Variants in RNF150 observed in about 807,000 individuals in gnomAD.
The protein encoded by RNF150 is ring finger protein 150.
A neutral mutation model predicts 39.3 loss-of-function variants in RNF150; 24 were observed. That is an observed-to-expected ratio of 0.61 (90% CI 0.44 to 0.86). The LOEUF (loss-of-function observed/expected upper bound fraction) is 0.86, where lower values mean the gene tolerates loss of function less well. Among genes scored for constraint, RNF150 ranks in the 40% least tolerant of loss-of-function variants. The probability of loss-of-function intolerance (pLI) is 0.00; values close to 1 mark genes in which losing one functional copy is unlikely to be tolerated. For missense variants in RNF150, 502 were observed against 587.8 expected (o/e 0.85, Z 1.51); for synonymous variants, 255 against 227.3 (o/e 1.12, Z -1.10).
chr4:140,931,180 A>G (rs772242892), intron 4 of RNF150, among the ~76,000 whole-genome samples: 8 of 152,154 alleles, frequency 5.3e-5, no homozygotes, highest in Non-Finnish European at 7.4e-5. Context: ...AAATCTTATT[A>G]ATAGCATTGT....
chr4:141,075,565 T>C (rs935853889), intron 1 of RNF150, among the ~76,000 whole-genome samples: 3 of 152,250 alleles, frequency 2.0e-5, no homozygotes, highest in African/African-American at 7.2e-5. Context: ...ATAAATTACT[T>C]AGAAAATCTC....
intron 1 of RNF150, among the ~76,000 whole-genome samples, chr4:141,051,405 A>G (rs1440565527): frequency 1.3e-5 from 2 of 152,234 alleles, no homozygotes; most frequent in East Asian, 3.9e-4. Context: ...TTTCTATCAC[A>G]TTGTACAGCT....
chr4:141,175,477 G>A (rs1172927869), intron 1 of RNF150, among the ~76,000 whole-genome samples: 2 of 152,194 alleles, frequency 1.3e-5, no homozygotes, highest in Non-Finnish European at 2.9e-5. Context: ...GGGTGATAGA[G>A]AGAGGGCTAC....
At chr4:141,151,080 G>T (rs1372684370) in intron 1 of RNF150, among the ~76,000 whole-genome samples, 1 of 151,852 alleles carries the variant, frequency 6.6e-6, no homozygotes, top group East Asian at 1.9e-4. Flanking sequence ...GCTGGGACTA[G>T]AGGCGTACAT....
At chr4:141,053,719 G>A in intron 1 of RNF150, 3 of 1,413,104 alleles carry the variant, frequency 2.1e-6, no homozygotes, top group Non-Finnish European at 2.8e-6. Context: ...CTGGGCATGA[G>A]AAGACATTAA....
intron 1 of RNF150, among the ~76,000 whole-genome samples, chr4:141,146,654 T>C (rs944007303): frequency 1.3e-5 from 2 of 152,186 alleles, no homozygotes; most frequent in African/African-American, 4.8e-5. Flanking sequence ...GTGATGAGGT[T>C]ACTGTACTCT....
intron 1 of RNF150, among the ~76,000 whole-genome samples, chr4:141,033,189 A>C (rs1375812209): frequency 6.6e-6 from 1 of 152,222 alleles, no homozygotes; most frequent in Non-Finnish European, 1.5e-5. Context: ...TTTATTAAGT[A>C]AGTTAATGTA....
At chr4:141,170,512 T>C (rs1352416801) in intron 1 of RNF150, among the ~76,000 whole-genome samples, 2 of 152,210 alleles carry the variant, frequency 1.3e-5, no homozygotes, top group Non-Finnish European at 2.9e-5. Context: ...TGTGATATAG[T>C]TCGTATTCTG....
chr4:140,916,845 T>C (rs1730854536), intron 5 of RNF150, among the ~76,000 whole-genome samples: 2 of 152,190 alleles, frequency 1.3e-5, no homozygotes, highest in Non-Finnish European at 2.9e-5. Flanking sequence ...GCTGATCTCT[T>C]GGCAGAAACT....
At chr4:140,879,136 T>G (rs1729281567) in intron 6 of RNF150, among the ~76,000 whole-genome samples, 1 of 152,220 alleles carries the variant, frequency 6.6e-6, no homozygotes, top group African/African-American at 2.4e-5. Context: ...TTGTTTTGAT[T>G]ACCATCACTC....
At chr4:140,950,644 C>A (rs1454012656) in intron 2 of RNF150, among the ~76,000 whole-genome samples, 1 of 152,226 alleles carries the variant, frequency 6.6e-6, no homozygotes, top group Non-Finnish European at 1.5e-5. Flanking sequence ...ACCTGGCCAG[C>A]CAGTCAGCCA....
At position 140,913,110 on chromosome 4, in the gene RNF150, A is replaced by AATT. The variant is rs373766675; in HGVS notation, c.988-1759_988-1757dup. On this transcript the variant is annotated intron_variant, in intron 5 of 6. Transcript: ENST00000515673. ...AACCCTGTCTCAGCTAAAATATAAA[A>AATT]ATTAGCCAGGTGTGGTGGTGCGCAC... is the stretch of plus-strand genomic sequence containing the variant. Among the ~76,000 whole-genome samples, 526 of 152,226 alleles carry AATT rather than the reference A, an allele frequency of 3.5e-3. 6 individuals are homozygous for AATT. Among genetic ancestry groups the AATT allele is most frequent in the African/African-American group, 0.012 (504 of 41,544 alleles).
At chr4:141,165,999 A>G (rs755696585) in intron 1 of RNF150, among the ~76,000 whole-genome samples, 5 of 152,148 alleles carry the variant, frequency 3.3e-5, no homozygotes, top group Non-Finnish European at 7.4e-5. Flanking sequence ...AAAAAAATCA[A>G]TGAATCCAGG....
chr4:140,864,571 A>G lies in RNF150; in HGVS notation c.*3690T>C, dbSNP rs989561540. ...ATTCTTTTTCAAGAAGGCCACATAA[A>G]GTCTTGCATTTCTCATTCTTTCCTC... On this transcript the variant is annotated 3_prime_UTR_variant, in exon 7 of 7. Coordinates refer to ENST00000515673, the MANE Select transcript of RNF150 (RefSeq NM_020724.2). The G allele has an allele frequency of 6.6e-6, 1 of 152,174 alleles. No homozygotes were observed. The highest frequency in any genetic ancestry group is 1.5e-5 in the Non-Finnish European group (1 of 68,054). 9.4% of individuals were successfully genotyped at this position (152,174 alleles called of 1,614,324 possible).
chr4:141,166,821 A>C (rs1578776638), intron 1 of RNF150, among the ~76,000 whole-genome samples: 1 of 152,142 alleles, frequency 6.6e-6, no homozygotes, highest in African/African-American at 2.4e-5. Flanking sequence ...TTTATGACAA[A>C]CCCACAGCCA....
chr4:141,094,278 C>A (rs1335807300), intron 1 of RNF150, among the ~76,000 whole-genome samples: 1 of 152,134 alleles, frequency 6.6e-6, no homozygotes, highest in Non-Finnish European at 1.5e-5. Context: ...TGAAAGGCAT[C>A]TAACACAAAG....
At chr4:140,961,785 G>T (rs13101914) in intron 2 of RNF150, among the ~76,000 whole-genome samples, 64,871 of 151,842 alleles carry the variant, frequency 0.43, 15,216 homozygotes, top group East Asian at 0.69. Flanking sequence ...TTAACAAACT[G>T]GGAGGAGAAT....
chr4:140,988,529 T>G (rs1734086073), intron 1 of RNF150, among the ~76,000 whole-genome samples: 1 of 152,162 alleles, frequency 6.6e-6, no homozygotes, highest in Non-Finnish European at 1.5e-5. Flanking sequence ...AGGGTACATG[T>G]GCACAACGTG....
intron 1 of RNF150, among the ~76,000 whole-genome samples, chr4:141,044,130 T>C (rs1249728300): frequency 6.6e-6 from 1 of 152,228 alleles, no homozygotes; most frequent in Non-Finnish European, 1.5e-5. Flanking sequence ...AAATGACACA[T>C]TAACATTGAA....
Sources: allele counts gnomAD v4.1 joint callset (sites outside exome capture counted in the v4.1 genomes callset), GRCh38; gene constraint gnomAD v4.1.1; transcripts MANE v1.5; gene names NCBI Gene and HGNC (gene_info 2026-07-23, HGNC 2026-07-21).